SORCS1: variants seen among roughly 807,000 people sequenced by gnomAD.
The protein encoded by SORCS1 is VPS10 domain-containing receptor SorCS1.
A neutral mutation model predicts 146.1 loss-of-function variants in SORCS1; 60 were observed. The observed-to-expected ratio is 0.41, with a 90% CI of 0.33 to 0.51. The LOEUF (loss-of-function observed/expected upper bound fraction) is 0.51. SORCS1 is among the 20% of genes least tolerant of loss of function. The pLI is 0.21. For synonymous variants in SORCS1, 637 were observed against 584.0 expected, an observed-to-expected ratio of 1.09 and a Z score of -1.31; for missense variants, 1,352 against 1,487.6, an observed-to-expected ratio of 0.91 and a Z score of 1.50.
chr10:107,122,450 G>C (rs1787897492), intron 1 of SORCS1, among the ~76,000 whole-genome samples: 1 of 152,196 alleles, frequency 6.6e-6, no homozygotes, highest in Admixed American at 6.5e-5. Flanking sequence ...AGGTAAGGAA[G>C]AAGCTACTCA....
chr10:107,020,499 A>G (rs1035529449), intron 1 of SORCS1, among the ~76,000 whole-genome samples: 1 of 152,224 alleles, frequency 6.6e-6, no homozygotes, highest in African/African-American at 2.4e-5. Flanking sequence ...TTAGGGAGAA[A>G]ATCTGCTTGA....
At chr10:106,596,053 A>T (rs1221049899) in intron 24 of SORCS1, among the ~76,000 whole-genome samples, 1 of 152,208 alleles carries the variant, frequency 6.6e-6, no homozygotes, top group African/African-American at 2.4e-5. Flanking sequence ...CATCTCTGAG[A>T]CATACAGAAG....
At chr10:106,850,870 C>A (rs553769996) in intron 2 of SORCS1, among the ~76,000 whole-genome samples, 1 of 152,202 alleles carries the variant, frequency 6.6e-6, no homozygotes, top group Non-Finnish European at 1.5e-5. Context: ...ACACGCCCTA[C>A]GGCCCTATTC....
intron 1 of SORCS1, among the ~76,000 whole-genome samples, chr10:107,049,420 A>T (rs945391208): frequency 6.6e-6 from 1 of 151,750 alleles, no homozygotes; most frequent in Non-Finnish European, 1.5e-5. Context: ...AAGGTATAAT[A>T]AAAAAAATAC....
At chr10:106,604,961 G>T (rs1316422836) in intron 23 of SORCS1, among the ~76,000 whole-genome samples, 1 of 152,120 alleles carries the variant, frequency 6.6e-6, no homozygotes, top group Non-Finnish European at 1.5e-5. Flanking sequence ...AACTTTTCTT[G>T]TCCTCACTTT....
chr10:106,577,452 G>A lies in SORCS1; in HGVS notation c.3475C>T (p.Arg1159Trp), dbSNP rs773862245. Residue 1159 changes from arginine to tryptophan, a missense_variant, in exon 26 of 26, where the codon CGG becomes TGG. Transcript: ENST00000263054. ...RHATPPSTPK[R>W]GSAGAQYAI ...GCATACTGTGCCCCAGCAGATCCCC[G>A]CTTTGGCGTTGAAGGCGGAGTGGCG... 7.4e-6 allele frequency: 12 copies of A among 1,613,864 alleles called. No homozygotes were observed. Among genetic ancestry groups the A allele is most frequent in the South Asian group, 3.3e-5 (3 of 91,078 alleles).
chr10:106,807,725 C>A (rs1372299756), intron 3 of SORCS1, among the ~76,000 whole-genome samples: 1 of 152,276 alleles, frequency 6.6e-6, no homozygotes, highest in Non-Finnish European at 1.5e-5. Flanking sequence ...TTCTGCATCT[C>A]TGCCAAGAAT....
At chr10:106,745,998 G>C (rs1857711282) in intron 5 of SORCS1, among the ~76,000 whole-genome samples, 1 of 152,034 alleles carries the variant, frequency 6.6e-6, no homozygotes, top group South Asian at 2.1e-4. Flanking sequence ...CAATTTGAGG[G>C]GCACTCTACA....
intron 2 of SORCS1, among the ~76,000 whole-genome samples, chr10:106,838,054 G>A (rs1048408540): frequency 6.6e-6 from 1 of 152,142 alleles, no homozygotes; most frequent in African/African-American, 2.4e-5. Context: ...GGGCACAGTA[G>A]GCACTATTTG....
intron 1 of SORCS1, among the ~76,000 whole-genome samples, chr10:107,124,146 A>T (rs987416259): frequency 5.3e-5 from 8 of 152,048 alleles, no homozygotes; most frequent in African/African-American, 1.7e-4. Flanking sequence ...TTAGAGTGAG[A>T]ATTAAATAAT....
chr10:107,172,302 T>G, the SORCS1 span, among the ~76,000 whole-genome samples: 13 of 152,196 alleles, frequency 8.5e-5, no homozygotes, highest in Non-Finnish European at 1.9e-4. Context: ...TGCAGCATAA[T>G]TCTTGGTCTG....
chr10:106,838,560 G>A (rs971351949), intron 2 of SORCS1, among the ~76,000 whole-genome samples: 4 of 151,996 alleles, frequency 2.6e-5, no homozygotes, highest in African/African-American at 4.8e-5. Flanking sequence ...AGTTTCACTC[G>A]GTCAAAAATG....
chr10:106,880,135 G>C (rs1367996166), intron 2 of SORCS1, among the ~76,000 whole-genome samples: 1 of 152,152 alleles, frequency 6.6e-6, no homozygotes, highest in Non-Finnish European at 1.5e-5. Flanking sequence ...TCATTATTTG[G>C]AACCTGGGAC....
At chr10:106,774,430 T>C (rs1011241281) in intron 4 of SORCS1, among the ~76,000 whole-genome samples, 1 of 150,094 alleles carries the variant, frequency 6.7e-6, no homozygotes, top group Admixed American at 6.6e-5. Context: ...TTCCAAAGTG[T>C]GTGTGTGTGT....
intron 1 of SORCS1, among the ~76,000 whole-genome samples, chr10:107,096,703 G>T (rs1964565808): frequency 6.6e-6 from 1 of 152,084 alleles, no homozygotes; most frequent in African/African-American, 2.4e-5. Flanking sequence ...GTAGAGACAG[G>T]GTTTCACCAT....
At chr10:106,707,153 G>A (rs1854590048) in intron 7 of SORCS1, among the ~76,000 whole-genome samples, 1 of 151,498 alleles carries the variant, frequency 6.6e-6, no homozygotes, top group Non-Finnish European at 1.5e-5. Flanking sequence ...TAGGATTGGT[G>A]TCCAAATTCA....
chr10:106,696,917 A>G (rs1853746690), intron 9 of SORCS1, among the ~76,000 whole-genome samples: 2 of 152,180 alleles, frequency 1.3e-5, no homozygotes, highest in African/African-American at 2.4e-5. Flanking sequence ...GATAATCAGG[A>G]AGGGGAAAAT....
chr10:106,612,163 C>T (rs541025998), intron 21 of SORCS1, 140 bp from the exon 22 acceptor site: 1 of 605,448 alleles, frequency 1.7e-6, no homozygotes, highest in Non-Finnish European at 2.9e-6. Context: ...AAGCCACTAC[C>T]CTGTGAATAT....
At chr10:106,667,277 G>C (rs761364969) in intron 17 of SORCS1, 3 of 168,410 alleles carry the variant, frequency 1.8e-5, no homozygotes, top group Non-Finnish European at 3.9e-5. Flanking sequence ...TGAAAAGTCA[G>C]TGAGTTCCTT....
Sources: allele counts gnomAD v4.1 joint callset (sites outside exome capture counted in the v4.1 genomes callset), GRCh38; gene constraint gnomAD v4.1.1; transcripts MANE v1.5; gene names NCBI Gene and HGNC (gene_info 2026-07-23, HGNC 2026-07-21).